The following VARS2 variants were observed in gnomAD, a reference collection of about 807,000 sequenced individuals.
VARS2 encodes the protein valine--tRNA ligase, mitochondrial.
A neutral mutation model predicts 154.1 loss-of-function variants in VARS2; 105 were observed. The observed-to-expected ratio is 0.68, with a 90% CI of 0.58 to 0.80. VARS2 has a LOEUF of 0.80. Among genes scored for constraint, VARS2 ranks in the 30% least tolerant of loss-of-function variants. The probability of loss-of-function intolerance (pLI) is 0.00; values close to 1 mark genes in which losing one functional copy is unlikely to be tolerated. For missense variants in VARS2, 1,157 were observed against 1,361.4 expected (o/e 0.85, Z 2.36); for synonymous variants, 483 against 539.5 (o/e 0.90, Z 1.45).
rs1163102995 is a variant in VARS2 at position 30,920,292 on chromosome 6, C to G, written c.1294-41C>G. On this transcript the variant is annotated intron_variant, in intron 13 of 29. Coordinates refer to ENST00000676266, the MANE Select transcript of VARS2 (RefSeq NM_020442.6). This position sits in a 1 kb window ranked among gnomAD's most constrained non-coding sequence, Gnocchi z 4.6. Reference sequence around the variant, plus strand: ...ATCCTCCTCCTAGTTTCTTATTTCTCTAGAGGCCTTCAGTCTTTACTCTTG... The same window carrying G: ...ATCCTCCTCCTAGTTTCTTATTTCTGTAGAGGCCTTCAGTCTTTACTCTTG... The G allele has an allele frequency of 6.3e-7, 1 of 1,584,216 alleles. No individual in the cohort carries two copies. The highest frequency in any genetic ancestry group is 1.4e-5 in the African/African-American group (1 of 73,708).
chr6:30,921,181 G>C lies in VARS2; in HGVS notation c.1556+40G>C, dbSNP rs772444822. 3.1e-6 allele frequency: 5 copies of C among 1,613,862 alleles called. No homozygotes were observed. Among genetic ancestry groups the C allele is most frequent in the Non-Finnish European group, 4.2e-6 (5 of 1,179,800 alleles). ...AGGGGAGCTCTTGTGGAGATGGGGA[G>C]GGGGGACTGACTGGTTATTCTAAGA... On this transcript the variant is annotated intron_variant, in intron 16 of 29. Coordinates refer to ENST00000676266, the MANE Select transcript of VARS2 (RefSeq NM_020442.6). This position sits in a 1 kb window ranked among gnomAD's most constrained non-coding sequence, Gnocchi z 4.6.
chr6:30,923,665 T>G, intron 25 of VARS2, 160 bp downstream of exon 25: 2 of 1,150,690 alleles, frequency 1.7e-6, no homozygotes, highest in Non-Finnish European at 2.4e-6. Context: ...TTCCTGGGAC[T>G]GGTTTTGGCA....
chr6:30,924,301 G>C lies in VARS2; in HGVS notation c.2467-53G>C, dbSNP rs527629814. ...CACTGGCGGGTAGCAGTGGCTGTAG[G>C]GAGGAGGGCTGTGGCCCTGGACCTG... On this transcript the variant is annotated intron_variant, in intron 25 of 29. Transcript: ENST00000676266. 1.1e-5 allele frequency: 18 copies of C among 1,592,196 alleles called. No individual in the cohort carries two copies. In the African/African-American group the frequency reaches 1.7e-4, roughly 15 times the overall value.
Position 30,916,496 on chromosome 6 carries a change from A to ATATT in VARS2, c.671+248_671+249insATTT, listed in dbSNP as rs1431232759. 1.0e-4 allele frequency: 31 copies of ATATT among 310,264 alleles called. No homozygotes were observed. Among genetic ancestry groups the ATATT allele is most frequent in the Admixed American group, 7.3e-4 (16 of 21,960 alleles). 19.2% of individuals were successfully genotyped at this position (310,264 alleles called of 1,614,324 possible). ...TGTGTGTATTTATATATATATATAT[A>ATATT]TTTTCTTTCTCTTTACTTACCCCAA... is the stretch of plus-strand genomic sequence containing the variant. On this transcript the variant is annotated intron_variant, in intron 7 of 29. Coordinates refer to ENST00000676266, the MANE Select transcript of VARS2 (RefSeq NM_020442.6). The surrounding 1 kb of genome is among the most constrained non-coding windows in gnomAD (Gnocchi z 4.0).
In VARS2 at chr6:30,923,671, TG is replaced by T. The variant is rs111876652; in HGVS notation, c.2466+168del. On this transcript the variant is annotated intron_variant, in intron 25 of 29. Transcript: ENST00000676266. Reference sequence around the variant, plus strand: ...GTTCCCCTCTTCCTGGGACTGGTTTTGGCAGTGCAGCCCAGGCACTGTTGCC... The same window carrying T: ...GTTCCCCTCTTCCTGGGACTGGTTTTGCAGTGCAGCCCAGGCACTGTTGCC... The T allele has an allele frequency of 0.017, 18,089 of 1,052,254 alleles. 590 individuals are homozygous for T. The highest frequency in any genetic ancestry group is 0.098 in the African/African-American group (6,124 of 62,536). The allele number at this position is 1,052,254 out of a possible 1,614,324, so 65.2% of individuals were successfully genotyped here. A position where few individuals can be genotyped will look rare whatever the true frequency, so the allele number is the denominator to read the frequency against.
At position 30,920,144 on chromosome 6, in the gene VARS2, A is replaced by C; in HGVS notation, c.1221A>C (p.Arg407=). Residue 407 remains arginine, a synonymous_variant, in exon 13 of 30, where the codon CGA becomes CGC. Transcript: ENST00000676266. The surrounding 1 kb of genome is among the most constrained non-coding windows in gnomAD (Gnocchi z 4.6). ...HSPADAEMGA[R]HGLSPLNVIA... is the part of the protein sequence containing the mutation. ...CTGCCGATGCTGAGATGGGGGCCCG[A>C]CATGGCTTGAGCCCCTTGAATGTCA... The C allele has an allele frequency of 6.3e-7, 1 of 1,592,452 alleles. No individual in the cohort carries two copies. The highest frequency in any genetic ancestry group is 8.6e-7 in the Non-Finnish European group (1 of 1,169,330).
At chr6:30,914,780 C>A in intron 1 of VARS2, 30 bp from the exon 2 acceptor site, 1 of 1,596,136 alleles carries the variant, frequency 6.3e-7, no homozygotes. Flanking sequence ...ACCCCCATAT[C>A]CTAATGTGCT....
Position 30,925,380 on chromosome 6 carries a change from C to A in VARS2, c.2780C>A (p.Pro927His). ...ACGTACCAGCTCACCAAAGCCCGGC[C>A]CCGAGGTGAGGCAAGGCGGGTCCTG... ...RATYQLTKAR[P>H]RVLLQSSEPG... The change falls in exon 27 of 30, where the codon CCC becomes CAC. Residue 927 changes from proline to histidine, a missense_variant. Pro to His is a moderately conservative substitution (Grantham distance 77). Transcript: ENST00000676266. 8.7e-6 allele frequency: 14 copies of A among 1,609,160 alleles called. No homozygotes were observed. Among genetic ancestry groups the A allele is most frequent in the African/African-American group, 1.3e-5 (1 of 75,004 alleles).
intron 3 of VARS2, 25 bp from the exon 4 acceptor site, chr6:30,915,330 G>A (rs1270175293): frequency 1.2e-6 from 2 of 1,613,856 alleles, no homozygotes; most frequent in Admixed American, 1.7e-5. Flanking sequence ...TCAGTGGTTA[G>A]TGGAGCTCTC....
chr6:30,915,371 GCCT>G lies in VARS2; in HGVS notation c.304_306del (p.Pro102del). ...CCTTCACAGATGTCTCTGGGCCCCT[GCCT>G]CCTGCATACAGCCCCCGATATGTTG... On this transcript the variant is annotated inframe_deletion, in exon 4 of 30. Transcript: ENST00000676266. 6.2e-7 allele frequency: 1 copy of G among 1,614,182 alleles called. No homozygotes were observed. The highest frequency in any genetic ancestry group is 8.5e-7 in the Non-Finnish European group (1 of 1,180,032).
In VARS2 at chr6:30,925,694, C is replaced by A. The variant is rs1276255797; in HGVS notation, c.2936C>A (p.Thr979Lys). Residue 979 changes from threonine to lysine, a missense_variant, in exon 28 of 30, where the codon ACG (threonine) becomes AAG (lysine). By Grantham distance (78) the Thr-to-Lys change is moderately conservative. Coordinates refer to ENST00000676266, the MANE Select transcript of VARS2 (RefSeq NM_020442.6). ...SGWAQAPLSD[T>K]AQVYMELQGL... is the part of the protein sequence containing the mutation. ...TGGGCCCAGGCTCCACTCAGTGACACGGCTCAAGTCTACATGGAGCTGCAG... is the reference window on the plus strand; with the variant it reads ...TGGGCCCAGGCTCCACTCAGTGACAAGGCTCAAGTCTACATGGAGCTGCAG... 6.2e-7 allele frequency: 1 copy of A among 1,611,006 alleles called. No homozygotes were observed.
rs1253317657 is a variant in VARS2, at chr6:30,917,585, T to C, written c.874-110T>C. On this transcript the variant is annotated intron_variant, in intron 9 of 29. Transcript: ENST00000676266. The surrounding 1 kb of genome is among the most constrained non-coding windows in gnomAD (Gnocchi z 4.4). ...TAGCTCCCGAATCCTCCAAATGGCTTTTAGATGGATTGCAGGGAGGCTGGG... is the reference window on the plus strand; with the variant it reads ...TAGCTCCCGAATCCTCCAAATGGCTCTTAGATGGATTGCAGGGAGGCTGGG... The C allele has an allele frequency of 1.9e-6, 2 of 1,068,438 alleles. No individual in the cohort carries two copies. The highest frequency in any genetic ancestry group is 2.7e-6 in the Non-Finnish European group (2 of 749,558). The allele number at this position is 1,068,438 out of a possible 1,614,324, so 66.2% of individuals were successfully genotyped here.
chr6:30,918,933 C>T lies in VARS2; in HGVS notation c.1074+18C>T, dbSNP rs1375563362. On this transcript the variant is annotated intron_variant, in intron 11 of 29. Transcript: ENST00000676266. Reference sequence around the variant, plus strand: ...GATACACAGTAATACCCAGTGCGCTCCTGCACTCTGGCCCGCCCCGCCAAT... The same window carrying T: ...GATACACAGTAATACCCAGTGCGCTTCTGCACTCTGGCCCGCCCCGCCAAT... 1 of 1,606,196 alleles carries T rather than the reference C, an allele frequency of 6.2e-7. No homozygotes were observed. The highest frequency in any genetic ancestry group is 1.3e-5 in the African/African-American group (1 of 74,802).
In VARS2 at chr6:30,926,328, G is replaced by C. The variant is rs1794837327; in HGVS notation, c.*118G>C. The C allele has an allele frequency of 9.8e-7, 1 of 1,024,608 alleles. No individual in the cohort carries two copies. 63.5% of individuals were successfully genotyped at this position (1,024,608 alleles called of 1,614,324 possible). A position where few individuals can be genotyped will look rare whatever the true frequency, so the allele number is the denominator to read the frequency against. On this transcript the variant is annotated 3_prime_UTR_variant, in exon 30 of 30. Transcript: ENST00000676266. ...CTATGTGGTCCATCGCCTTCATTGT[G>C]TAAATGAGGACACAGACTGGCTTGG...
chr6:30,920,681 G>A lies in VARS2; in HGVS notation c.1411G>A (p.Val471Met), dbSNP rs763051738. 11 of 1,595,704 alleles carry A rather than the reference G, an allele frequency of 6.9e-6. No homozygotes were observed. The highest frequency in any genetic ancestry group is 9.4e-6 in the Non-Finnish European group (11 of 1,171,726). The change falls in exon 15 of 30, where the codon GTG (valine) becomes ATG (methionine). Residue 471 changes from valine (V) to methionine (M), a missense_variant. Physicochemically the swap from Val to Met is conservative, Grantham distance 21. Transcript: ENST00000676266. This position sits in a 1 kb window ranked among gnomAD's most constrained non-coding sequence, Gnocchi z 4.6. ...VLPICSRSGD[V>M]IEYLLKNQWF... ...TCTCTCTTTCAGCCGTTCTGGGGAT[G>A]TGATAGAATACCTGCTGAAGAACCA...
At position 30,926,374 on chromosome 6, in the gene VARS2, T is replaced by G; in HGVS notation, c.*164T>G. 1.4e-6 allele frequency: 1 copy of G among 704,988 alleles called. No homozygotes were observed. The highest frequency in any genetic ancestry group is 1.8e-5 in the South Asian group (1 of 54,672). 43.7% of individuals were successfully genotyped at this position (704,988 alleles called of 1,614,324 possible). A position where few individuals can be genotyped will look rare whatever the true frequency, so the allele number is the denominator to read the frequency against. On this transcript the variant is annotated 3_prime_UTR_variant, in exon 30 of 30. Transcript: ENST00000676266. ...CTTGGTCGCAGTGACTGTGGTGTCC[T>G]TGAGATGCTCACATTACTGCCCGGC...
Position 30,919,659 on chromosome 6 carries a change from C to T in VARS2, c.1075-99C>T. Reference sequence around the variant, plus strand: ...TGACCTTGCTCTAGCTTGCTACCTTCCACTTTCTACCTTCTTATTCCTGGG... The same window carrying T: ...TGACCTTGCTCTAGCTTGCTACCTTTCACTTTCTACCTTCTTATTCCTGGG... On this transcript the variant is annotated intron_variant, in intron 11 of 29. Coordinates refer to ENST00000676266, the MANE Select transcript of VARS2 (RefSeq NM_020442.6). The surrounding 1 kb of genome is among the most constrained non-coding windows in gnomAD (Gnocchi z 4.5). 1 of 950,046 alleles carries T rather than the reference C, an allele frequency of 1.1e-6. No homozygotes were observed. The highest frequency in any genetic ancestry group is 1.5e-6 in the Non-Finnish European group (1 of 670,890). 58.9% of individuals were successfully genotyped at this position (950,046 alleles called of 1,614,324 possible).
rs750133134 is a variant in VARS2, at chr6:30,917,658, A to C, written c.874-37A>C. On this transcript the variant is annotated intron_variant, in intron 9 of 29. Coordinates refer to ENST00000676266, the MANE Select transcript of VARS2 (RefSeq NM_020442.6). This position sits in a 1 kb window ranked among gnomAD's most constrained non-coding sequence, Gnocchi z 4.4. ...AAGCCTGGGCATGAGCCTTGCAGAA[A>C]GGCTGCCCTCTGACCCAGCTTTCTC... 1 of 1,524,018 alleles carries C rather than the reference A, an allele frequency of 6.6e-7. No homozygotes were observed. 94.4% of individuals were successfully genotyped at this position (1,524,018 alleles called of 1,614,324 possible). A position where few individuals can be genotyped will look rare whatever the true frequency, so the allele number is the denominator to read the frequency against.
chr6:30,919,981 C>T lies in VARS2; in HGVS notation c.1166-108C>T. On this transcript the variant is annotated intron_variant, in intron 12 of 29. Transcript: ENST00000676266. The surrounding 1 kb of genome is among the most constrained non-coding windows in gnomAD (Gnocchi z 4.5). ...CTGAGTGGGGAATGGGAGGGAGGCA[C>T]AGACAGAGAAAGTCGCAGGGGCTGG... The T allele has an allele frequency of 1.3e-6, 1 of 783,448 alleles. No homozygotes were observed. The highest frequency in any genetic ancestry group is 3.9e-5 in the Admixed American group (1 of 25,810). The allele number at this position is 783,448 out of a possible 1,614,324, so 48.5% of individuals were successfully genotyped here. A position where few individuals can be genotyped will look rare whatever the true frequency, so the allele number is the denominator to read the frequency against.
Sources: gnomAD v4.1 joint callset for allele counts on GRCh38, gnomAD v4.1.1 for gene constraint, Gnocchi (gnomAD v3.1) non-coding constraint, MANE v1.5 for transcripts, NCBI Gene and HGNC (gene_info 2026-07-23, HGNC 2026-07-21) for gene names.